Variants in UBR3 observed in about 807,000 individuals in gnomAD.
The protein encoded by UBR3 is ubiquitin protein ligase E3 component n-recognin 3, also known as E3 ubiquitin-protein ligase UBR3.
A neutral mutation model predicts 243.2 loss-of-function variants in UBR3; 85 were observed. The observed-to-expected ratio is 0.35, with a 90% CI of 0.29 to 0.42. UBR3 has a LOEUF of 0.42. Among genes scored for constraint, UBR3 ranks in the 10% least tolerant of loss-of-function variants. The pLI is 1.00. For missense variants in UBR3, 1,686 were observed against 2,300.8 expected (o/e 0.73, Z 5.47); for synonymous variants, 748 against 799.8 (o/e 0.94, Z 1.09).
In UBR3 at chr2:169,933,013, G is replaced by A; in HGVS notation, c.2663+5G>A. Reference sequence around the variant, plus strand: ...AATGGACAGATATACTGCATTGTAAGTCCATCAAATTGATTAGCATCATAA... The same window carrying A: ...AATGGACAGATATACTGCATTGTAAATCCATCAAATTGATTAGCATCATAA... On this transcript the variant is annotated splice_donor_5th_base_variant and intron_variant, in intron 19 of 38. Coordinates refer to ENST00000272793, the MANE Select transcript of UBR3 (RefSeq NM_172070.4). 1 of 1,507,678 alleles carries A rather than the reference G, an allele frequency of 6.6e-7. No individual in the cohort carries two copies. The highest frequency in any genetic ancestry group is 8.8e-7 in the Non-Finnish European group (1 of 1,132,584). 93.4% of individuals were successfully genotyped at this position (1,507,678 alleles called of 1,614,324 possible).
At chr2:169,951,974 C>G (rs1193307349) in intron 23 of UBR3, among the ~76,000 whole-genome samples, 3 of 152,180 alleles carry the variant, frequency 2.0e-5, no homozygotes, top group African/African-American at 7.2e-5. Context: ...TAAAAGTGAT[C>G]TGTTCAGTTC....
intron 1 of UBR3, among the ~76,000 whole-genome samples, chr2:169,835,994 T>TCC (rs1491528385): frequency 0.19 from 1,123 of 5,948 alleles, 137 homozygotes; most frequent in Middle Eastern, 0.43. Context: ...GTGTGCACTG[T>TCC]CTCTCTCTCT....
chr2:169,960,055 A>G (rs191677537), intron 24 of UBR3, among the ~76,000 whole-genome samples: 6 of 152,192 alleles, frequency 3.9e-5, no homozygotes, highest in Non-Finnish European at 7.4e-5. Context: ...GTTTGAGACC[A>G]GCCTGACCAA....
intron 1 of UBR3, among the ~76,000 whole-genome samples, chr2:169,862,489 C>T (rs554091881): frequency 6.6e-6 from 1 of 152,316 alleles, no homozygotes; most frequent in East Asian, 1.9e-4. Context: ...CTATCTCTGT[C>T]CTACAGAATG....
intron 24 of UBR3, among the ~76,000 whole-genome samples, chr2:169,978,344 G>A (rs13017065): frequency 0.44 from 66,665 of 151,802 alleles, 15,802 homozygotes; most frequent in Non-Finnish European, 0.54. Context: ...GGGTCTTGGC[G>A]TGACATTTTG....
At chr2:169,972,779 A>C (rs79614632) in intron 24 of UBR3, among the ~76,000 whole-genome samples, 148,104 of 151,498 alleles carry the variant, frequency 0.98, 72,473 homozygotes, top group East Asian at 1. Flanking sequence ...ATAATAAGAA[A>C]TATCTATGAC....
Position 170,081,929 on chromosome 2 carries a change from A to G in UBR3, c.*86A>G, listed in dbSNP as rs986505788. The G allele has an allele frequency of 1.0e-6, 1 of 980,378 alleles. No homozygotes were observed. Among genetic ancestry groups the G allele is most frequent in the Non-Finnish European group, 1.4e-6 (1 of 695,234 alleles). 60.7% of individuals were successfully genotyped at this position (980,378 alleles called of 1,614,324 possible). A position where few individuals can be genotyped will look rare whatever the true frequency, so the allele number is the denominator to read the frequency against. Reference sequence around the variant, plus strand: ...AAGCTTTAACTTAATTTGGGGGATTAACACTTTTGCTGAGGGAGAAAAAGA... The same window carrying G: ...AAGCTTTAACTTAATTTGGGGGATTGACACTTTTGCTGAGGGAGAAAAAGA... On this transcript the variant is annotated 3_prime_UTR_variant, in exon 39 of 39. Transcript: ENST00000272793.
chr2:169,955,436 C>T (rs979136903), intron 23 of UBR3, among the ~76,000 whole-genome samples: 3 of 151,906 alleles, frequency 2.0e-5, no homozygotes, highest in Admixed American at 2.0e-4. Flanking sequence ...AAGCTGGTTT[C>T]CGGGTCCTTT....
At chr2:169,953,683 G>A (rs1179070365) in intron 23 of UBR3, among the ~76,000 whole-genome samples, 1 of 152,158 alleles carries the variant, frequency 6.6e-6, no homozygotes, top group Non-Finnish European at 1.5e-5. Flanking sequence ...ATGCATTTTA[G>A]TATTAGTGTC....
Position 169,965,959 on chromosome 2 carries a change from C to G in UBR3, c.3634+7433C>G, listed in dbSNP as rs747955030. On this transcript the variant is annotated intron_variant, in intron 24 of 38. Transcript: ENST00000272793. ...CAAAATATTTCAAATTTATAACATA[C>G]AGTATGTTATAAATCCTCTAATCAA... 2.0e-5 allele frequency among the ~76,000 whole-genome samples: 3 copies of G among 152,012 alleles called. No homozygotes were observed. The East Asian group carries it at 5.8e-4, about 29-fold the overall frequency.
intron 1 of UBR3, among the ~76,000 whole-genome samples, chr2:169,835,639 C>T (rs1193893643): frequency 6.6e-6 from 1 of 152,012 alleles, no homozygotes; most frequent in Non-Finnish European, 1.5e-5. Context: ...TGGGGTTTCA[C>T]CATATTGGTC....
Position 169,906,235 on chromosome 2 carries a change from T to G in UBR3, c.1779+71T>G. ...CTTGTGAAAATATTGGTTTGTTCATTTGTATATAATGTGCAGTGTTTAATT... is the reference window on the plus strand; with the variant it reads ...CTTGTGAAAATATTGGTTTGTTCATGTGTATATAATGTGCAGTGTTTAATT... On this transcript the variant is annotated intron_variant, in intron 10 of 38. Transcript: ENST00000272793. 4.1e-6 allele frequency: 6 copies of G among 1,472,066 alleles called. No individual in the cohort carries two copies. In the South Asian group the frequency reaches 8.3e-5, roughly 20 times the overall value. The allele number at this position is 1,472,066 out of a possible 1,614,324, so 91.2% of individuals were successfully genotyped here.
chr2:170,073,753 GA>G, intron 36 of UBR3, 146 bp downstream of exon 36: 1 of 809,818 alleles, frequency 1.2e-6, no homozygotes, highest in Non-Finnish European at 1.9e-6. Flanking sequence ...TACTTATGTA[GA>G]TTGTATTTAT....
At chr2:169,843,743 T>G (rs541084307) in intron 1 of UBR3, among the ~76,000 whole-genome samples, 2 of 152,358 alleles carry the variant, frequency 1.3e-5, no homozygotes, top group Admixed American at 1.3e-4. Flanking sequence ...GATATTGTAC[T>G]GTAGTTTTCT....
At chr2:169,886,248 G>T (rs766989513) in intron 5 of UBR3, among the ~76,000 whole-genome samples, 2 of 152,100 alleles carry the variant, frequency 1.3e-5, no homozygotes, top group African/African-American at 2.4e-5. Context: ...TAAGGGTAGG[G>T]CAGGGAATCA....
chr2:170,068,059 C>G (rs1249571670), intron 35 of UBR3, among the ~76,000 whole-genome samples: 1 of 151,934 alleles, frequency 6.6e-6, no homozygotes, highest in Non-Finnish European at 1.5e-5. Context: ...CATGAGCCAC[C>G]TCACCCAGCC....
chr2:169,977,628 G>GA lies in UBR3; in HGVS notation c.3635-9015dup, dbSNP rs2088515466. Among the ~76,000 whole-genome samples, 3 of 152,174 alleles carry GA rather than the reference G, an allele frequency of 2.0e-5. 1 individual carries two copies. Among genetic ancestry groups the GA allele is most frequent in the South Asian group, 4.1e-4 (2 of 4,830 alleles). ...AGAGAGAGAGGAAACCAAGCAAGCT[G>GA]AATATCACCCTTCTGCCTGCTTTGT... On this transcript the variant is annotated intron_variant, in intron 24 of 38. Coordinates refer to ENST00000272793, the MANE Select transcript of UBR3 (RefSeq NM_172070.4).
intron 25 of UBR3, among the ~76,000 whole-genome samples, chr2:169,989,284 C>CTATT (rs146909614): frequency 0.043 from 6,491 of 152,042 alleles, 151 homozygotes; most frequent in Middle Eastern, 0.061. Flanking sequence ...CCCATTGTCT[C>CTATT]TATTTATTTA....
At chr2:169,828,601 T>C (rs1176163247) in intron 1 of UBR3, among the ~76,000 whole-genome samples, 2 of 151,578 alleles carry the variant, frequency 1.3e-5, no homozygotes, top group Non-Finnish European at 1.5e-5. Context: ...GAGAAGGAGC[T>C]CTTGAGGGTT....
Sources: allele counts gnomAD v4.1 joint callset (sites outside exome capture counted in the v4.1 genomes callset), GRCh38; gene constraint gnomAD v4.1.1; transcripts MANE v1.5; gene names NCBI Gene and HGNC (gene_info 2026-07-23, HGNC 2026-07-21).